RNF182: variants seen among roughly 807,000 people sequenced by gnomAD.
The protein encoded by RNF182 is ring finger protein 182.
Under a neutral mutation model 14.4 loss-of-function variants are expected in RNF182, and 15 were observed. The observed-to-expected ratio is 1.04, with a 90% CI of 0.70 to 1.60. RNF182 has a LOEUF of 1.60. RNF182 is among the 40% of genes most tolerant of loss of function. The probability of loss-of-function intolerance (pLI) is 0.00; values close to 1 mark genes in which losing one functional copy is unlikely to be tolerated. For missense variants in RNF182, 268 were observed against 294.8 expected (o/e 0.91, Z 0.67); for synonymous variants, 128 against 122.9 (o/e 1.04, Z -0.27).
intron 1 of RNF182, among the ~76,000 whole-genome samples, chr6:13,970,718 A>G (rs1435043406): frequency 6.6e-6 from 1 of 152,178 alleles, no homozygotes; most frequent in Non-Finnish European, 1.5e-5. Context: ...GTATTGATTT[A>G]TAGTAATGCA....
chr6:13,939,639 G>A (rs1021449161), intron 1 of RNF182, among the ~76,000 whole-genome samples: 2 of 152,090 alleles, frequency 1.3e-5, no homozygotes, highest in Non-Finnish European at 2.9e-5. Flanking sequence ...TGCCTCCCAG[G>A]TTCATGCCAT....
chr6:13,941,114 A>G (rs1022052956), intron 1 of RNF182, among the ~76,000 whole-genome samples: 6 of 152,080 alleles, frequency 3.9e-5, no homozygotes, highest in African/African-American at 1.4e-4. Context: ...CAAAGTTTCT[A>G]TCTACAATTT....
intron 1 of RNF182, among the ~76,000 whole-genome samples, chr6:13,969,260 T>G (rs967501764): frequency 6.6e-6 from 1 of 152,170 alleles, no homozygotes; most frequent in Non-Finnish European, 1.5e-5. Flanking sequence ...CTTCCCCTGG[T>G]CCCTGTCCTG....
intron 1 of RNF182, among the ~76,000 whole-genome samples, chr6:13,928,852 G>A (rs553749012): frequency 6.6e-6 from 1 of 152,178 alleles, no homozygotes; most frequent in Non-Finnish European, 1.5e-5. Flanking sequence ...CAAAGGTGGT[G>A]CAGGGGTGGG....
At chr6:13,933,777 G>A (rs1759035750) in intron 1 of RNF182, among the ~76,000 whole-genome samples, 1 of 152,296 alleles carries the variant, frequency 6.6e-6, no homozygotes, top group South Asian at 2.1e-4. Flanking sequence ...CAGCGCTTTG[G>A]AAGGCTGAGG....
Position 13,977,154 on chromosome 6 carries a change from C to T in RNF182, c.35C>T (p.Ser12Phe), listed in dbSNP as rs761921336. The T allele has an allele frequency of 1.2e-6, 2 of 1,613,942 alleles. No homozygotes were observed. Among genetic ancestry groups the T allele is most frequent in the African/African-American group, 1.3e-5 (1 of 74,938 alleles). The change falls in exon 3 of 3, where the codon TCT (serine) becomes TTT (phenylalanine). Residue 12 changes from serine (S) to phenylalanine (F), a missense_variant. Coordinates refer to ENST00000488300, the MANE Select transcript of RNF182 (RefSeq NM_152737.4). ...ASQPPEDTAE[S>F]QASDELECKI... ...CAACCTCCTGAAGACACTGCGGAGT[C>T]TCAGGCCTCTGATGAGCTGGAGTGC...
At chr6:13,934,842 TA>T (rs1292224302) in intron 1 of RNF182, among the ~76,000 whole-genome samples, 2 of 152,140 alleles carry the variant, frequency 1.3e-5, no homozygotes, top group African/African-American at 4.8e-5. Context: ...AACATTTAAA[TA>T]GGGATTTGAG....
At position 13,977,864 on chromosome 6, in the gene RNF182, C is replaced by G. The variant is rs549232599; in HGVS notation, c.*1C>G. The G allele has an allele frequency of 1.9e-6, 3 of 1,602,534 alleles. No individual in the cohort carries two copies. The highest frequency in any genetic ancestry group is 2.2e-5 in the South Asian group (2 of 89,994). ...AGACTGTATGGCACCTCCTTCTTAA[C>G]TGATATGCAAAATAAGAAATTGGAC... On this transcript the variant is annotated 3_prime_UTR_variant, in exon 3 of 3. Coordinates refer to ENST00000488300, the MANE Select transcript of RNF182 (RefSeq NM_152737.4).
chr6:13,964,240 A>G (rs1423599252), intron 1 of RNF182, among the ~76,000 whole-genome samples: 1 of 152,224 alleles, frequency 6.6e-6, no homozygotes, highest in Admixed American at 6.5e-5. Context: ...GATTCTTAGA[A>G]TGAGACAGTT....
chr6:13,932,492 G>T (rs10949012), intron 1 of RNF182, among the ~76,000 whole-genome samples: 2 of 151,836 alleles, frequency 1.3e-5, no homozygotes, highest in African/African-American at 2.4e-5. Flanking sequence ...ATTTTAAATC[G>T]CATGTTACTT....
At chr6:13,930,793 C>T (rs1561774161) in intron 1 of RNF182, among the ~76,000 whole-genome samples, 1 of 152,178 alleles carries the variant, frequency 6.6e-6, no homozygotes, top group Non-Finnish European at 1.5e-5. Flanking sequence ...CAAGCTGTCT[C>T]TTTTGATTGT....
At chr6:13,962,162 T>C (rs1214652318) in intron 1 of RNF182, among the ~76,000 whole-genome samples, 2 of 152,048 alleles carry the variant, frequency 1.3e-5, no homozygotes. Context: ...GTAATGAGAG[T>C]CTTTTAAGCT....
At chr6:13,966,608 C>G (rs1221553941) in intron 1 of RNF182, among the ~76,000 whole-genome samples, 1 of 151,944 alleles carries the variant, frequency 6.6e-6, no homozygotes. Flanking sequence ...ACTAAAAATA[C>G]AAAAATTAGC....
intron 2 of RNF182, among the ~76,000 whole-genome samples, chr6:13,976,419 A>G (rs1760326097): frequency 6.6e-6 from 1 of 152,226 alleles, no homozygotes; most frequent in Admixed American, 6.5e-5. Context: ...TATCTCTATC[A>G]AAGCAGTCTC....
chr6:13,968,903 G>A (rs534552399), intron 1 of RNF182, among the ~76,000 whole-genome samples: 279 of 152,228 alleles, frequency 1.8e-3, no homozygotes, highest in Middle Eastern at 6.8e-3. Flanking sequence ...TACTAAGTAG[G>A]AACCTAGATC....
intron 1 of RNF182, among the ~76,000 whole-genome samples, chr6:13,973,108 A>G (rs1760235318): frequency 1.3e-5 from 2 of 152,218 alleles, no homozygotes; most frequent in Admixed American, 6.5e-5. Context: ...GATGTGAGAC[A>G]TGGAGTCAAA....
intron 1 of RNF182, among the ~76,000 whole-genome samples, chr6:13,940,260 A>T (rs1165745841): frequency 6.6e-6 from 1 of 152,208 alleles, no homozygotes; most frequent in Non-Finnish European, 1.5e-5. Flanking sequence ...TATCGAGATG[A>T]TGATATGATT....
chr6:13,937,098 A>G (rs984814126), intron 1 of RNF182, among the ~76,000 whole-genome samples: 1 of 152,216 alleles, frequency 6.6e-6, no homozygotes, highest in African/African-American at 2.4e-5. Flanking sequence ...TCACAATCAC[A>G]TTACTTGTTT....
At chr6:13,955,899 A>G (rs1001649140) in intron 1 of RNF182, among the ~76,000 whole-genome samples, 9 of 152,146 alleles carry the variant, frequency 5.9e-5, no homozygotes, top group Admixed American at 5.9e-4. Flanking sequence ...TGCCCTCCCC[A>G]TTTTCATACC....
Sources: gnomAD v4.1 joint callset for allele counts (sites outside exome capture counted in the v4.1 genomes callset) on GRCh38, gnomAD v4.1.1 for gene constraint, MANE v1.5 for transcripts, NCBI Gene and HGNC (gene_info 2026-07-23, HGNC 2026-07-21) for gene names.